CDT1: variants seen among roughly 807,000 people sequenced by gnomAD.
CDT1 encodes DNA replication factor Cdt1.
A neutral mutation model predicts 49.3 loss-of-function variants in CDT1; 66 were observed. The observed-to-expected ratio is 1.34, with a 90% CI of 1.10 to 1.64. The LOEUF (loss-of-function observed/expected upper bound fraction) is 1.64, where lower values mean the gene tolerates loss of function less well. Ranked by LOEUF, CDT1 falls within the 40% of genes most tolerant of loss-of-function variation. The pLI is 0.00. For missense variants in CDT1, 958 were observed against 807.7 expected, an observed-to-expected ratio of 1.19 and a Z score of -2.26; for synonymous variants, 424 against 347.4, an observed-to-expected ratio of 1.22 and a Z score of -2.45.
In CDT1 at chr16:88,805,524, G is replaced by A. The variant is rs1908817540; in HGVS notation, c.573G>A (p.Gln191=). 3.1e-6 allele frequency: 5 copies of A among 1,612,920 alleles called. No homozygotes were observed. Among genetic ancestry groups the A allele is most frequent in the East Asian group, 4.5e-5 (2 of 44,874 alleles). ...GACTCGTGCTGCCCTACAAGTACCA[G>A]GTGCTGGCGGAGATGTTCCGCAGCA... ...LPGLVLPYKY[Q]VLAEMFRSMD... is the part of the protein sequence containing the mutation. The change falls in exon 4 of 10, where the codon CAG becomes CAA. Residue 191 remains glutamine (Q), a synonymous_variant. Transcript: ENST00000301019.
chr16:88,807,927 TCC>T (rs1211549741), intron 9 of CDT1, among the ~76,000 whole-genome samples, 186 bp from the exon 10 acceptor site: 1 of 152,212 alleles, frequency 6.6e-6, no homozygotes, highest in African/African-American at 2.4e-5. Context: ...CCTGGCTCTC[TCC>T]GGTCACTGTT....
rs891385719 is a variant in CDT1 at position 88,805,038 on chromosome 16, C to A, written c.488+140C>A. On this transcript the variant is annotated intron_variant, in intron 3 of 9. Transcript: ENST00000301019. ...AGGTCACCAGGGCGCGGACCCAGACCCCTGAGAAAAAGGTCCCGGGCACTG... is the reference window on the plus strand; with the variant it reads ...AGGTCACCAGGGCGCGGACCCAGACACCTGAGAAAAAGGTCCCGGGCACTG... The A allele has an allele frequency of 8.2e-6, 10 of 1,218,642 alleles. No individual in the cohort carries two copies. The African/African-American group carries it at 1.5e-4, about 19-fold the overall frequency. The allele number at this position is 1,218,642 out of a possible 1,614,324, so 75.5% of individuals were successfully genotyped here.
Position 88,804,891 on chromosome 16 carries a change from G to C in CDT1, c.481G>C (p.Glu161Gln). The C allele has an allele frequency of 6.4e-7, 1 of 1,571,264 alleles. No homozygotes were observed. The highest frequency in any genetic ancestry group is 8.6e-7 in the Non-Finnish European group (1 of 1,163,158). The part of the protein sequence containing the change: ...CTPEAEGRPE[E>Q]PCGEKAPAYQ... ...CCCAGAGGCCGAGGGCCGCCCTGAGGAGCCATGGTGAGTGCTGGGTGGGCG... is the reference window on the plus strand; with the variant it reads ...CCCAGAGGCCGAGGGCCGCCCTGAGCAGCCATGGTGAGTGCTGGGTGGGCG... The change falls in exon 3 of 10, where the codon GAG (glutamate) becomes CAG (glutamine). Residue 161 changes from glutamate to glutamine, a missense_variant. Physicochemically the swap from Glu to Gln is conservative, Grantham distance 29. Coordinates refer to ENST00000301019, the MANE Select transcript of CDT1 (RefSeq NM_030928.4).
rs1346209684 is a variant in CDT1, at chr16:88,807,349, G to A, written c.1344G>A (p.Leu448=). 4.3e-6 allele frequency: 7 copies of A among 1,612,624 alleles called. No individual in the cohort carries two copies. The highest frequency in any genetic ancestry group is 5.1e-6 in the Non-Finnish European group (6 of 1,179,926). The change falls in exon 9 of 10, where the codon CTG becomes CTA. Residue 448 remains leucine, a synonymous_variant. Transcript: ENST00000301019. ...GGTGCCCGGAGCAGGAGCAGCGGCT[G>A]CAGCGCTTAGAACGGCTGCCTGAGC... ...MTRCPEQEQR[L]QRLERLPELA... is the part of the protein sequence containing the mutation.
intron 1 of CDT1, 60 bp downstream of exon 1, chr16:88,804,119 G>T: frequency 8.6e-7 from 1 of 1,163,878 alleles, no homozygotes; most frequent in Non-Finnish European, 1.1e-6. Context: ...GAGGCCCGGG[G>T]GGCAGGGCTC....
Position 88,807,107 on chromosome 16 carries a change from G to C in CDT1, c.1179G>C (p.Gly393=), listed in dbSNP as rs74035837. ...GCTCTGCTGCGCCCAGCAGCCCCGG[G>C]TCTCCCAGGCCAGCACTGCCGGCTA... is the stretch of plus-strand genomic sequence containing the variant. The part of the protein sequence containing the change: ...ALRSAAPSSP[G]SPRPALPATP... Residue 393 remains glycine (G), a synonymous_variant, in exon 8 of 10, where the codon GGG becomes GGC. Coordinates refer to ENST00000301019, the MANE Select transcript of CDT1 (RefSeq NM_030928.4). 3.6e-3 allele frequency: 5,840 copies of C among 1,612,788 alleles called. 152 individuals are homozygous for C. The African/African-American group carries it at 0.059, about 16-fold the overall frequency.
intron 3 of CDT1, 100 bp downstream of exon 3, chr16:88,804,998 G>T: frequency 6.8e-7 from 1 of 1,464,292 alleles, no homozygotes; most frequent in Non-Finnish European, 9.1e-7. Flanking sequence ...GCTCCTTCCA[G>T]GGAGGGTGGT....
At position 88,804,883 on chromosome 16, in the gene CDT1, G is replaced by T; in HGVS notation, c.473G>T (p.Arg158Leu). 6.3e-7 allele frequency: 1 copy of T among 1,578,762 alleles called. No homozygotes were observed. Among genetic ancestry groups the T allele is most frequent in the South Asian group, 1.1e-5 (1 of 87,822 alleles). ...GESCTPEAEG[R>L]PEEPCGEKAP... Reference sequence around the variant, plus strand: ...TCCTGCACCCCAGAGGCCGAGGGCCGCCCTGAGGAGCCATGGTGAGTGCTG... The same window carrying T: ...TCCTGCACCCCAGAGGCCGAGGGCCTCCCTGAGGAGCCATGGTGAGTGCTG... Residue 158 changes from arginine to leucine, a missense_variant, in exon 3 of 10, where the codon CGC becomes CTC. Transcript: ENST00000301019.
At position 88,804,024 on chromosome 16, in the gene CDT1, C is replaced by G; in HGVS notation, c.193C>G (p.Pro65Ala). 1.4e-6 allele frequency: 2 copies of G among 1,460,796 alleles called. No homozygotes were observed. The highest frequency in any genetic ancestry group is 1.8e-6 in the Non-Finnish European group (2 of 1,113,252). 90.5% of individuals were successfully genotyped at this position (1,460,796 alleles called of 1,614,324 possible). A position where few individuals can be genotyped will look rare whatever the true frequency, so the allele number is the denominator to read the frequency against. ...CCCCGGACGCGACCAGGCCAGGCCA[C>G]CGGCCCGCAGGAGACTGCGGCTGTC... ...AAPGRDQARP[P>A]ARRRLRLSVD... The change falls in exon 1 of 10, where the codon CCG becomes GCG. Residue 65 changes from proline (P) to alanine (A), a missense_variant. By Grantham distance (27) the Pro-to-Ala change is conservative (BLOSUM62 -1). Coordinates refer to ENST00000301019, the MANE Select transcript of CDT1 (RefSeq NM_030928.4).
rs753974618 is a variant in CDT1, at chr16:88,808,112, C to T, written c.1478-3C>T. On this transcript the variant is annotated splice_region_variant and splice_polypyrimidine_tract_variant and intron_variant, in intron 9 of 9. Transcript: ENST00000301019. ...GCCTCAGTGTCCTCCTCTCCTCCCC[C>T]AGGGGAAATGGAGAAGCACCTGCTG... The T allele has an allele frequency of 1.2e-6, 2 of 1,612,198 alleles. No individual in the cohort carries two copies. The highest frequency in any genetic ancestry group is 1.3e-5 in the African/African-American group (1 of 75,040).
rs1410505499 is a variant in CDT1 at position 88,805,583 on chromosome 16, C to T, written c.632C>T (p.Ser211Phe). 1.2e-6 allele frequency: 2 copies of T among 1,612,748 alleles called. No homozygotes were observed. The highest frequency in any genetic ancestry group is 1.3e-5 in the African/African-American group (1 of 74,950). The change falls in exon 4 of 10, where the codon TCC (serine) becomes TTC (phenylalanine). Residue 211 changes from serine to phenylalanine, a missense_variant. Transcript: ENST00000301019. ...DTIVGMLHNR[S>F]ETPTFAKVQR... ...ATCGTGGGCATGCTCCACAACCGCTCCGAGACGCCCACCTTTGCCAAGGTC... is the reference window on the plus strand; with the variant it reads ...ATCGTGGGCATGCTCCACAACCGCTTCGAGACGCCCACCTTTGCCAAGGTC...
intron 1 of CDT1, 97 bp downstream of exon 1, chr16:88,804,156 G>A (rs998912009): frequency 1.3e-6 from 1 of 799,396 alleles, no homozygotes; most frequent in Non-Finnish European, 1.7e-6. Context: ...AGGGACGGGG[G>A]CGGGGAAACA....
At position 88,806,002 on chromosome 16, in the gene CDT1, G is replaced by C. The variant is rs757367489; in HGVS notation, c.833-19G>C. The C allele has an allele frequency of 2.3e-5, 37 of 1,581,842 alleles. No individual in the cohort carries two copies. In the Admixed American group the frequency reaches 6.6e-4, roughly 28 times the overall value. On this transcript the variant is annotated intron_variant, in intron 5 of 9. Transcript: ENST00000301019. Reference sequence around the variant, plus strand: ...GCTGGGTGGCCTGGTGGGGACTTAGGCCTGGACTCGTCCCACAGAGGCTGA... The same window carrying C: ...GCTGGGTGGCCTGGTGGGGACTTAGCCCTGGACTCGTCCCACAGAGGCTGA...
chr16:88,806,023 G>T lies in CDT1; in HGVS notation c.835G>T (p.Ala279Ser). The change falls in exon 6 of 10, where the codon GCT becomes TCT. Residue 279 changes from alanine to serine, a missense_variant and splice_region_variant. Coordinates refer to ENST00000301019, the MANE Select transcript of CDT1 (RefSeq NM_030928.4). ...TTAGGCCTGGACTCGTCCCACAGAG[G>T]CTGACGGAGCAGCCCCCCAGCTCAC... ...LTIEPLLEQE[A>S]DGAAPQLTAS... 2 of 1,590,262 alleles carry T rather than the reference G, an allele frequency of 1.3e-6. No individual in the cohort carries two copies. Among genetic ancestry groups the T allele is most frequent in the Non-Finnish European group, 1.7e-6 (2 of 1,172,118 alleles).
intron 3 of CDT1, 121 bp from the exon 4 acceptor site, chr16:88,805,319 G>A (rs986799076): frequency 2.2e-5 from 27 of 1,240,876 alleles, no homozygotes; most frequent in Admixed American, 5.7e-5. Context: ...CAAGGGCCGC[G>A]AAAGCCATCG....
chr16:88,805,041 T>G, intron 3 of CDT1, 143 bp downstream of exon 3: 4 of 1,169,268 alleles, frequency 3.4e-6, no homozygotes, highest in Non-Finnish European at 4.7e-6. Flanking sequence ...CCCAGACCCC[T>G]GAGAAAAAGG....
chr16:88,806,474 C>T lies in CDT1; in HGVS notation c.934-12C>T. 2 of 1,609,750 alleles carry T rather than the reference C, an allele frequency of 1.2e-6. No individual in the cohort carries two copies. Among genetic ancestry groups the T allele is most frequent in the Non-Finnish European group, 1.7e-6 (2 of 1,178,888 alleles). On this transcript the variant is annotated splice_polypyrimidine_tract_variant and intron_variant, in intron 6 of 9. Coordinates refer to ENST00000301019, the MANE Select transcript of CDT1 (RefSeq NM_030928.4). ...ATGTGCCCAGGGTCACCCATCTACT[C>T]CTTCTCCCCAGGCCTTCCTGGCCTC...
chr16:88,805,003 G>C (rs887570692), intron 3 of CDT1, 105 bp downstream of exon 3: 2 of 1,446,944 alleles, frequency 1.4e-6, no homozygotes, highest in Admixed American at 2.3e-5. Flanking sequence ...TTCCAGGGAG[G>C]GTGGTGGTGA....
At chr16:88,804,732 A>ACGGCAC in intron 2 of CDT1, 30 bp from the exon 3 acceptor site, 3 of 1,612,628 alleles carry the variant, frequency 1.9e-6, no homozygotes, top group Non-Finnish European at 2.5e-6. Flanking sequence ...TGCCTGCCTG[A>ACGGCAC]CGGCACCGTG....
Sources: gnomAD v4.1 joint callset for allele counts (sites outside exome capture counted in the v4.1 genomes callset) on GRCh38, gnomAD v4.1.1 for gene constraint, MANE v1.5 for transcripts, NCBI Gene and HGNC (gene_info 2026-07-23, HGNC 2026-07-21) for gene names.